The following EIF3D variants were observed in gnomAD, a reference collection of about 807,000 sequenced individuals.
EIF3D encodes eIF3 p66.
Under a neutral mutation model 75.4 loss-of-function variants are expected in EIF3D, and 10 were observed. That is an observed-to-expected ratio of 0.13 (90% confidence interval 0.08 to 0.22). EIF3D has a LOEUF of 0.22. EIF3D is among the 10% of genes least tolerant of loss of function. EIF3D has a pLI of 1.00. For missense variants in EIF3D, 394 were observed against 708.0 expected, an observed-to-expected ratio of 0.56 and a Z score of 5.03; for synonymous variants, 246 against 248.3, an observed-to-expected ratio of 0.99 and a Z score of 0.09.
At chr22:36,524,500 C>T (rs1816304222) in intron 4 of EIF3D, 96 bp downstream of exon 4, 9 of 1,550,894 alleles carry the variant, frequency 5.8e-6, no homozygotes, top group South Asian at 2.3e-5. Context: ...TAATATGCTT[C>T]CCTCTCTCAT....
intron 12 of EIF3D, among the ~76,000 whole-genome samples, chr22:36,515,792 G>A (rs928342375): frequency 6.6e-6 from 1 of 151,368 alleles, no homozygotes; most frequent in Non-Finnish European, 1.5e-5. Flanking sequence ...AGGCACGACG[G>A]CCCTGAATGC....
At position 36,511,018 on chromosome 22, in the gene EIF3D, T is replaced by G. The variant is rs781243014; in HGVS notation, c.1634-18A>C. 9 of 1,607,376 alleles carry G rather than the reference T, an allele frequency of 5.6e-6. No homozygotes were observed. In the Admixed American group the frequency reaches 1.6e-4, roughly 28 times the overall value. ...TTCTTCCTCTGAAAGACACAAAAAA[T>G]GTAAGAGAAATGAGCCAGGTTGTGT... is the stretch of plus-strand genomic sequence containing the variant. On this transcript the variant is annotated intron_variant, in intron 14 of 14. Transcript: ENST00000216190.
At chr22:36,518,649 CAATTCCCTTGGG>C in intron 9 of EIF3D, 102 bp downstream of exon 9, 1 of 1,348,702 alleles carries the variant, frequency 7.4e-7, no homozygotes, top group Non-Finnish European at 1.0e-6. Flanking sequence ...CTGCTGCTGT[CAATTCCCTTGGG>C]AAGACAGACC....
In EIF3D at chr22:36,524,830, C is replaced by T. The variant is rs150859409; in HGVS notation, c.170-98G>A. 3.2e-4 allele frequency: 477 copies of T among 1,496,678 alleles called. 3 individuals carry two copies. In the African/African-American group the frequency reaches 5.9e-3, roughly 18 times the overall value. The allele number at this position is 1,496,678 out of a possible 1,614,324, so 92.7% of individuals were successfully genotyped here. A position where few individuals can be genotyped will look rare whatever the true frequency, so the allele number is the denominator to read the frequency against. On this transcript the variant is annotated intron_variant, in intron 3 of 14. Transcript: ENST00000216190. ...TGCTATTTCAAGTGTGGTCTTGAGA[C>T]CTGTAGCATTGGCTGAAAGCTTGTT...
chr22:36,521,681 C>CT (rs1934515768), intron 6 of EIF3D, among the ~76,000 whole-genome samples: 1 of 150,532 alleles, frequency 6.6e-6, no homozygotes, highest in Non-Finnish European at 1.5e-5. Flanking sequence ...AATCCCAGCA[C>CT]TTTGGGAGGC....
intron 1 of EIF3D, among the ~76,000 whole-genome samples, chr22:36,528,055 G>A (rs571332148): frequency 6.6e-6 from 1 of 152,252 alleles, no homozygotes; most frequent in South Asian, 2.1e-4. Context: ...ATATTGCTGA[G>A]CTCCTACGTG....
At position 36,512,454 on chromosome 22, in the gene EIF3D, T is replaced by C. The variant is rs763270378; in HGVS notation, c.1349+6A>G. ...TCAGCTGCCAGCTCCTGCACAGGAA[T>C]CTCACCCAAGCTTGAGGTACTCAGA... On this transcript the variant is annotated splice_donor_region_variant and intron_variant, in intron 13 of 14. Transcript: ENST00000216190. 6.2e-7 allele frequency: 1 copy of C among 1,613,974 alleles called. No individual in the cohort carries two copies. The highest frequency in any genetic ancestry group is 1.1e-5 in the South Asian group (1 of 91,074).
Position 36,520,584 on chromosome 22 carries a change from T to C in EIF3D, c.570A>G (p.Pro190=), listed in dbSNP as rs1173870826. The C allele has an allele frequency of 6.2e-7, 1 of 1,611,388 alleles. No individual in the cohort carries two copies. Among genetic ancestry groups the C allele is most frequent in the South Asian group, 1.1e-5 (1 of 91,008 alleles). Residue 190 remains proline (P), a synonymous_variant, in exon 7 of 15, where the codon CCA becomes CCG. Transcript: ENST00000216190. The part of the protein sequence containing the change: ...MKMRYLEVSE[P]QDIECCGALE... ...TAAAAGATGCTGCTTACATGTCCTGTGGCTCTGATACTTCCAAGTAGCGCA... is the reference window on the plus strand; with the variant it reads ...TAAAAGATGCTGCTTACATGTCCTGCGGCTCTGATACTTCCAAGTAGCGCA...
chr22:36,516,415 A>C, intron 12 of EIF3D, 63 bp downstream of exon 12: 1 of 1,569,430 alleles, frequency 6.4e-7, no homozygotes, highest in Non-Finnish European at 8.7e-7. Flanking sequence ...AGCCTGCGTA[A>C]ACAGGCACTG....
At position 36,524,376 on chromosome 22, in the gene EIF3D, T is replaced by C. The variant is rs541527445; in HGVS notation, c.306+220A>G. Among the ~76,000 whole-genome samples, 20 of 152,334 alleles carry C rather than the reference T, an allele frequency of 1.3e-4. 1 individual carries two copies. In the South Asian group the frequency reaches 3.3e-3, roughly 25 times the overall value. On this transcript the variant is annotated intron_variant, in intron 4 of 14. Coordinates refer to ENST00000216190, the MANE Select transcript of EIF3D (RefSeq NM_003753.4). ...TTTTTAGCATACAAGTCTGATGTCCTAGCTACTGGCAAACAGAAATATAAA... is the reference window on the plus strand; with the variant it reads ...TTTTTAGCATACAAGTCTGATGTCCCAGCTACTGGCAAACAGAAATATAAA...
At chr22:36,519,327 C>T in intron 8 of EIF3D, 78 bp downstream of exon 8, 2 of 1,586,460 alleles carry the variant, frequency 1.3e-6, no homozygotes, top group South Asian at 2.2e-5. Context: ...CCCATGTCTT[C>T]TGTTCTTTCT....
intron 12 of EIF3D, among the ~76,000 whole-genome samples, chr22:36,515,523 C>T (rs535018158): frequency 1.5e-4 from 23 of 151,984 alleles, no homozygotes; most frequent in South Asian, 4.2e-4. Context: ...AGCGAAACTC[C>T]GTTTCAGAAA....
At chr22:36,526,172 G>T in intron 1 of EIF3D, 41 bp from the exon 2 acceptor site, 4 of 1,543,260 alleles carry the variant, frequency 2.6e-6, no homozygotes, top group Non-Finnish European at 3.5e-6. Flanking sequence ...ATGAACGAAG[G>T]CCTCAGAGTA....
At chr22:36,526,258 C>T in intron 1 of EIF3D, 127 bp from the exon 2 acceptor site, 1 of 1,026,764 alleles carries the variant, frequency 9.7e-7, no homozygotes. Flanking sequence ...ATGGAACCCT[C>T]AACTGTTGAG....
intron 14 of EIF3D, 134 bp downstream of exon 14, chr22:36,511,369 G>C (rs1934332345): frequency 1.3e-6 from 2 of 1,500,460 alleles, no homozygotes; most frequent in Admixed American, 2.0e-5. Context: ...GAGCCAAAGT[G>C]AATGCTTCTT....
chr22:36,523,150 A>G (rs1396832972), intron 6 of EIF3D, 59 bp downstream of exon 6: 11 of 1,380,542 alleles, frequency 8.0e-6, no homozygotes, highest in Admixed American at 6.7e-5. Flanking sequence ...GCTATTAATA[A>G]AGACAACCAA....
chr22:36,526,972 A>G (rs1934614283), intron 1 of EIF3D: 1 of 151,968 alleles, frequency 6.6e-6, no homozygotes, highest in African/African-American at 2.4e-5. Flanking sequence ...TCAGACTTGC[A>G]AAAGTGCATT....
chr22:36,520,333 T>C (rs1253525116), intron 7 of EIF3D, among the ~76,000 whole-genome samples: 1 of 152,154 alleles, frequency 6.6e-6, no homozygotes, highest in African/African-American at 2.4e-5. Flanking sequence ...AGTTTTTGTA[T>C]TTTTAGTAGA....
At chr22:36,520,480 G>T in intron 7 of EIF3D, 96 bp downstream of exon 7, 1 of 843,474 alleles carries the variant, frequency 1.2e-6, no homozygotes, top group Non-Finnish European at 1.8e-6. Context: ...TGGCTTCAAA[G>T]CCTTTTTGGA....
Sources: allele counts gnomAD v4.1 joint callset (sites outside exome capture counted in the v4.1 genomes callset), GRCh38; gene constraint gnomAD v4.1.1; transcripts MANE v1.5; gene names NCBI Gene and HGNC (gene_info 2026-07-23, HGNC 2026-07-21).